Variants in PTPRD observed in about 807,000 individuals in gnomAD.
The protein encoded by PTPRD is receptor-type tyrosine-protein phosphatase delta.
PTPRD carries 34 observed loss-of-function variants against 214.5 expected under a neutral mutation model. That is an observed-to-expected ratio of 0.16 (90% CI 0.12 to 0.21). The LOEUF is 0.21. Among genes scored for constraint, PTPRD ranks in the 10% least tolerant of loss-of-function variants. The pLI, the probability that PTPRD is intolerant of heterozygous loss-of-function variation, is 1.00. For missense variants in PTPRD, 2,545 were observed against 2,398.7 expected (o/e 1.06, Z -1.27); for synonymous variants, 1,128 against 845.7 (o/e 1.33, Z -5.79).
chr9:9,197,991 GAAA>G (rs2099939633), intron 9 of PTPRD, among the ~76,000 whole-genome samples: 1 of 151,982 alleles, frequency 6.6e-6, no homozygotes. Flanking sequence ...GACTAATCTA[GAAA>G]AATAATAATT....
chr9:8,544,889 C>CTTT (rs869280997), intron 14 of PTPRD, among the ~76,000 whole-genome samples: 91 of 118,692 alleles, frequency 7.7e-4, no homozygotes, highest in African/African-American at 2.3e-3. Context: ...AAAGACAGTC[C>CTTT]TTTTTTTTTT....
chr9:8,808,012 G>A (rs1249349855), intron 11 of PTPRD, among the ~76,000 whole-genome samples: 1 of 152,110 alleles, frequency 6.6e-6, no homozygotes, highest in African/African-American at 2.4e-5. Flanking sequence ...GGACATGTAT[G>A]CTCTACAAAA....
chr9:9,278,168 C>T (rs528827075), intron 9 of PTPRD, among the ~76,000 whole-genome samples: 27 of 151,382 alleles, frequency 1.8e-4, no homozygotes, highest in African/African-American at 6.0e-4. Flanking sequence ...ATACTATGAT[C>T]TGAGGGCAAC....
chr9:9,198,694 G>A lies in PTPRD; in HGVS notation c.-202-15331C>T, dbSNP rs114241264. ...TTAAACTGGTCTGAAATTCTCACAT[G>A]TTCTAAAATAAAAATGAAGTGGATA... On this transcript the variant is annotated intron_variant, in intron 9 of 45. Coordinates refer to ENST00000381196, the MANE Select transcript of PTPRD (RefSeq NM_002839.4). Among the ~76,000 whole-genome samples, 887 of 152,238 alleles carry A rather than the reference G, an allele frequency of 5.8e-3. 8 individuals carry two copies. The highest frequency in any genetic ancestry group is 0.02 in the African/African-American group (850 of 41,538).
intron 11 of PTPRD, among the ~76,000 whole-genome samples, chr9:8,829,666 G>A (rs375954715): frequency 3.9e-5 from 6 of 152,016 alleles, no homozygotes; most frequent in Non-Finnish European, 5.9e-5. Flanking sequence ...CTGGGAGCTC[G>A]GTTACTAGGA....
chr9:10,154,901 T>C (rs2099084014), intron 3 of PTPRD, among the ~76,000 whole-genome samples: 1 of 152,162 alleles, frequency 6.6e-6, no homozygotes, highest in South Asian at 2.1e-4. Context: ...GCTTTGTTCT[T>C]TTTGCTTAGG....
chr9:9,332,000 T>C (rs1385260379), intron 9 of PTPRD, among the ~76,000 whole-genome samples: 1 of 152,028 alleles, frequency 6.6e-6, no homozygotes, highest in Non-Finnish European at 1.5e-5. Flanking sequence ...ATGGGAGGAA[T>C]AAAAGGCTAT....
At chr9:9,487,393 TC>T (rs1392032972) in intron 8 of PTPRD, among the ~76,000 whole-genome samples, 2 of 152,176 alleles carry the variant, frequency 1.3e-5, no homozygotes, top group Non-Finnish European at 2.9e-5. Flanking sequence ...CACGAACTCA[TC>T]CTTTTTTATG....
At chr9:10,226,973 G>A (rs1004548024) in intron 3 of PTPRD, among the ~76,000 whole-genome samples, 3 of 151,972 alleles carry the variant, frequency 2.0e-5, no homozygotes, top group Non-Finnish European at 4.4e-5. Flanking sequence ...TGTTTTTGTA[G>A]AGGACTGATG....
intron 2 of PTPRD, among the ~76,000 whole-genome samples, chr9:10,378,356 G>A (rs1028750124): frequency 6.6e-6 from 1 of 151,920 alleles, no homozygotes; most frequent in African/African-American, 2.4e-5. Context: ...GGTTATCTGG[G>A]CTTGTAGGGT....
At chr9:9,533,219 C>T (rs990934229) in intron 8 of PTPRD, among the ~76,000 whole-genome samples, 1 of 152,068 alleles carries the variant, frequency 6.6e-6, no homozygotes, top group Non-Finnish European at 1.5e-5. Flanking sequence ...AGATATCAAA[C>T]CTGCTGGCAA....
At chr9:8,784,335 A>C (rs895845307) in intron 11 of PTPRD, among the ~76,000 whole-genome samples, 1 of 152,226 alleles carries the variant, frequency 6.6e-6, no homozygotes, top group Non-Finnish European at 1.5e-5. Flanking sequence ...TTCATTTCTT[A>C]AACGTAAATG....
chr9:8,945,754 GT>G (rs2099060340), intron 11 of PTPRD, among the ~76,000 whole-genome samples: 1 of 152,028 alleles, frequency 6.6e-6, no homozygotes, highest in Non-Finnish European at 1.5e-5. Context: ...ATCTTTGCCT[GT>G]GTACCTTTGG....
intron 8 of PTPRD, among the ~76,000 whole-genome samples, chr9:9,443,490 T>G (rs2089117238): frequency 6.6e-6 from 1 of 152,212 alleles, no homozygotes; most frequent in African/African-American, 2.4e-5. Flanking sequence ...CAACAGAATG[T>G]AACAGAAGTT....
At chr9:9,522,375 G>C (rs662433) in intron 8 of PTPRD, among the ~76,000 whole-genome samples, 135,398 of 152,030 alleles carry the variant, frequency 0.89, 60,510 homozygotes, top group East Asian at 1. Flanking sequence ...AACTCTGAAA[G>C]ATTTCTAAAG....
chr9:9,506,321 CT>C (rs1165727365), intron 8 of PTPRD, among the ~76,000 whole-genome samples: 2 of 151,428 alleles, frequency 1.3e-5, no homozygotes, highest in East Asian at 3.9e-4. Flanking sequence ...AGTAGAGGAC[CT>C]TTATCTTAAA....
intron 3 of PTPRD, among the ~76,000 whole-genome samples, chr9:10,311,038 C>G (rs921152724): frequency 6.6e-6 from 1 of 151,942 alleles, no homozygotes; most frequent in Admixed American, 6.6e-5. Flanking sequence ...AATGTGGATG[C>G]AAGATCCAAC....
intron 11 of PTPRD, among the ~76,000 whole-genome samples, chr9:8,821,384 T>G (rs182904422): frequency 1.3e-5 from 2 of 152,126 alleles, no homozygotes; most frequent in African/African-American, 4.8e-5. Context: ...GTGGGTGCCA[T>G]AGTCTACCCC....
intron 3 of PTPRD, among the ~76,000 whole-genome samples, chr9:10,072,331 T>C (rs2098037598): frequency 6.6e-6 from 1 of 152,044 alleles, no homozygotes; most frequent in Admixed American, 6.6e-5. Context: ...ATCATGTCAA[T>C]TGTCAGTGAG....
Sources: allele counts gnomAD v4.1 joint callset (sites outside exome capture counted in the v4.1 genomes callset), GRCh38; gene constraint gnomAD v4.1.1; transcripts MANE v1.5; gene names NCBI Gene and HGNC (gene_info 2026-07-23, HGNC 2026-07-21).